RPS6KB2: variants seen among roughly 807,000 people sequenced by gnomAD.
RPS6KB2 encodes ribosomal protein S6 kinase B2.
In RPS6KB2, 51 loss-of-function variants were observed where a neutral mutation model predicts 58.2. That is an observed-to-expected ratio of 0.88 (90% confidence interval 0.70 to 1.11). The LOEUF (loss-of-function observed/expected upper bound fraction) is 1.11. Ranked by LOEUF, RPS6KB2 falls within the 50% of genes least tolerant of loss-of-function variation. The pLI is 0.00. For missense variants in RPS6KB2, 671 were observed against 655.8 expected, an observed-to-expected ratio of 1.02 and a Z score of -0.25; for synonymous variants, 293 against 258.6, an observed-to-expected ratio of 1.13 and a Z score of -1.28.
chr11:67,434,609 C>T lies in RPS6KB2; in HGVS notation c.1183C>T (p.Leu395=). The change falls in exon 14 of 15, where the codon CTG becomes TTG. Residue 395 remains leucine (L), a synonymous_variant. Transcript: ENST00000312629. ...CTTCACATACGTGGCGCCGTCTGTC[C>T]TGGACAGCATCAAGGAGGGCTTCTC... ...LGFTYVAPSV[L]DSIKEGFSFQ... 1 of 1,608,622 alleles carries T rather than the reference C, an allele frequency of 6.2e-7. No individual in the cohort carries two copies. The highest frequency in any genetic ancestry group is 1.1e-5 in the South Asian group (1 of 90,646).
chr11:67,432,202 A>G (rs1244492434), intron 5 of RPS6KB2: 2 of 429,648 alleles, frequency 4.7e-6, no homozygotes, highest in Non-Finnish European at 9.3e-6. Flanking sequence ...ATCCCCTTAA[A>G]GTCCCAGCAA....
chr11:67,428,588 A>C lies in RPS6KB2; in HGVS notation c.43A>C (p.Ser15Arg). 1 of 1,611,202 alleles carries C rather than the reference A, an allele frequency of 6.2e-7. No individual in the cohort carries two copies. The highest frequency in any genetic ancestry group is 1.3e-5 in the African/African-American group (1 of 75,004). The change falls in exon 1 of 15, where the codon AGC (serine) becomes CGC (arginine). Residue 15 changes from serine (S) to arginine (R), a missense_variant. By Grantham distance (110) the Ser-to-Arg change is moderately radical. Transcript: ENST00000312629. ...TTTGGATTTGGAGACGGAGGAAGGCAGCGAGGGCGAGGGCGAGCCAGAGCT... is the reference window on the plus strand; with the variant it reads ...TTTGGATTTGGAGACGGAGGAAGGCCGCGAGGGCGAGGGCGAGCCAGAGCT... Reference protein sequence around the residue: ...FDLDLETEEGSEGEGEPELSP... With the variant: ...FDLDLETEEGREGEGEPELSP...
At chr11:67,429,654 C>T (rs1863961450) in intron 4 of RPS6KB2, 59 bp downstream of exon 4, 1 of 1,382,840 alleles carries the variant, frequency 7.2e-7, no homozygotes, top group African/African-American at 1.4e-5. Context: ...CATGCTGTAC[C>T]AGGCTTTGGG....
Position 67,433,376 on chromosome 11 carries a change from G to T in RPS6KB2, c.835G>T (p.Asp279Tyr). 1 of 1,613,952 alleles carries T rather than the reference G, an allele frequency of 6.2e-7. No individual in the cohort carries two copies. Among genetic ancestry groups the T allele is most frequent in the Non-Finnish European group, 8.5e-7 (1 of 1,179,972 alleles). The change falls in exon 10 of 15, where the codon GAT becomes TAT. Residue 279 changes from aspartate to tyrosine, a missense_variant. By Grantham distance (160) the Asp-to-Tyr change is radical (BLOSUM62 -3). Coordinates refer to ENST00000312629, the MANE Select transcript of RPS6KB2 (RefSeq NM_003952.3). ...FTAENRKKTM[D>Y]KIIRGKLALP... ...CGCAGAGAACCGGAAGAAAACCATG[G>T]ATAAGATCATCAGGGGCAAGCTGGC...
chr11:67,431,500 C>G lies in RPS6KB2; in HGVS notation c.442C>G (p.Leu148Val), dbSNP rs1279953170. 1.9e-6 allele frequency: 3 copies of G among 1,613,926 alleles called. No individual in the cohort carries two copies. Among genetic ancestry groups the G allele is most frequent in the Non-Finnish European group, 2.5e-6 (3 of 1,179,996 alleles). The change falls in exon 5 of 15, where the codon CTT becomes GTT. Residue 148 changes from leucine to valine, a missense_variant. Leu to Val is a conservative substitution (Grantham distance 32). Transcript: ENST00000312629. ...FQTGGKLYLI[L>V]ECLSGGELFT... is the part of the protein sequence containing the mutation. ...GACTGGTGGCAAACTCTACCTCATCCTTGAGTGCCTCAGTGGTATGAGTGC... is the reference window on the plus strand; with the variant it reads ...GACTGGTGGCAAACTCTACCTCATCGTTGAGTGCCTCAGTGGTATGAGTGC...
At position 67,431,134 on chromosome 11, in the gene RPS6KB2, G is replaced by A. The variant is rs1864007287; in HGVS notation, c.310-234G>A. 1.8e-5 allele frequency: 6 copies of A among 334,078 alleles called. No homozygotes were observed. In the South Asian group the frequency reaches 2.1e-4, roughly 12 times the overall value. The allele number at this position is 334,078 out of a possible 1,614,324, so 20.7% of individuals were successfully genotyped here. On this transcript the variant is annotated intron_variant, in intron 4 of 14. Transcript: ENST00000312629. ...CTGCAACCTCTGCCCCTGGGTTCAAGCGATTCTCCTGCCTCAGCCTCCTGA... is the reference window on the plus strand; with the variant it reads ...CTGCAACCTCTGCCCCTGGGTTCAAACGATTCTCCTGCCTCAGCCTCCTGA...
At chr11:67,433,884 C>T in intron 10 of RPS6KB2, 111 bp from the exon 11 acceptor site, 2 of 1,240,258 alleles carry the variant, frequency 1.6e-6, no homozygotes, top group South Asian at 1.3e-5. Context: ...GGAGCCACAC[C>T]CAAAAGCATT....
rs536646745 is a variant in RPS6KB2, at chr11:67,433,184, G to C, written c.766G>C (p.Gly256Arg). 1 of 1,605,710 alleles carries C rather than the reference G, an allele frequency of 6.2e-7. No homozygotes were observed. The highest frequency in any genetic ancestry group is 8.5e-7 in the Non-Finnish European group (1 of 1,178,080). ...CCGGGCTGTGGACTGGTGGAGCCTG[G>C]GGGCCCTGATGTACGACATGCTCAC... The part of the protein sequence containing the change: ...HNRAVDWWSL[G>R]ALMYDMLTGS... Residue 256 changes from glycine to arginine, a missense_variant, in exon 9 of 15, where the codon GGG (glycine) becomes CGG (arginine). Transcript: ENST00000312629.
Position 67,434,393 on chromosome 11 carries a change from T to C in RPS6KB2, c.1064T>C (p.Val355Ala), listed in dbSNP as rs1311860400. The C allele has an allele frequency of 6.2e-7, 1 of 1,613,268 alleles. No individual in the cohort carries two copies. Among genetic ancestry groups the C allele is most frequent in the South Asian group, 1.1e-5 (1 of 91,086 alleles). Residue 355 changes from valine (V) to alanine (A), a missense_variant, in exon 13 of 15, where the codon GTG becomes GCG. Physicochemically the swap from Val to Ala is moderately conservative, Grantham distance 64. Coordinates refer to ENST00000312629, the MANE Select transcript of RPS6KB2 (RefSeq NM_003952.3). Reference sequence around the variant, plus strand: ...GGCCCACAGCAGTCAGAGGAGGACGTGAGCCAGTTTGATACCCGCTTCACA... The same window carrying C: ...GGCCCACAGCAGTCAGAGGAGGACGCGAGCCAGTTTGATACCCGCTTCACA... ...FRPCLQSEED[V>A]SQFDTRFTRQ...
chr11:67,428,688 G>A (rs899725817), intron 1 of RPS6KB2, 65 bp downstream of exon 1: 7 of 1,481,182 alleles, frequency 4.7e-6, no homozygotes, highest in East Asian at 2.4e-5. Flanking sequence ...CGAGGCCGGA[G>A]CGGCGGCTCC....
chr11:67,434,768 G>A, intron 14 of RPS6KB2, 74 bp downstream of exon 14: 1 of 1,257,002 alleles, frequency 8.0e-7, no homozygotes, highest in Non-Finnish European at 1.1e-6. Flanking sequence ...AGCCTTGGGT[G>A]CCTTGGCCAC....
In RPS6KB2 at chr11:67,428,545, C is replaced by A; in HGVS notation, c.-1C>A. 6.2e-7 allele frequency: 1 copy of A among 1,607,628 alleles called. No homozygotes were observed. The highest frequency in any genetic ancestry group is 1.1e-5 in the South Asian group (1 of 90,662). On this transcript the variant is annotated 5_prime_UTR_variant, in exon 1 of 15. Transcript: ENST00000312629. The stretch of plus-strand genomic sequence containing the variant: ...GACGGGCCCGCGGGGCCGGCGCCGC[C>A]ATGGCGGCCGTGTTTGATTTGGATT...
intron 6 of RPS6KB2, 22 bp from the exon 7 acceptor site, chr11:67,432,715 T>C (rs756796182): frequency 9.3e-6 from 15 of 1,613,924 alleles, no homozygotes; most frequent in Admixed American, 3.3e-5. Flanking sequence ...ACTCCCGCCT[T>C]CACCCTGTCT....
At position 67,431,358 on chromosome 11, in the gene RPS6KB2, G is replaced by A. The variant is rs1864014193; in HGVS notation, c.310-10G>A. 6.2e-7 allele frequency: 1 copy of A among 1,612,830 alleles called. No individual in the cohort carries two copies. ...ATGCCTCAGTTTCTAACCAATTCCT[G>A]TATCTCCAGGCCAAAATTGTGCGCA... On this transcript the variant is annotated splice_polypyrimidine_tract_variant and intron_variant, in intron 4 of 14. Transcript: ENST00000312629.
At chr11:67,434,535 A>G in intron 13 of RPS6KB2, 47 bp from the exon 14 acceptor site, 1 of 1,598,100 alleles carries the variant, frequency 6.3e-7, no homozygotes, top group Non-Finnish European at 8.5e-7. Context: ...ATCGTGACTA[A>G]GGATGGCAGG....
Position 67,433,018 on chromosome 11 carries a change from C to T in RPS6KB2, c.683C>T (p.Thr228Ile). The T allele has an allele frequency of 6.2e-7, 1 of 1,613,410 alleles. No individual in the cohort carries two copies. The highest frequency in any genetic ancestry group is 2.2e-5 in the East Asian group (1 of 44,884). Residue 228 changes from threonine (T) to isoleucine (I), a missense_variant, in exon 8 of 15, where the codon ACC (threonine) becomes ATC (isoleucine). Transcript: ENST00000312629. ...ESIHEGAVTH[T>I]FCGTIEYMAP... Reference sequence around the variant, plus strand: ...ATCCATGAGGGCGCCGTCACTCACACCTTCTGCGGCACCATTGAGTACATG... The same window carrying T: ...ATCCATGAGGGCGCCGTCACTCACATCTTCTGCGGCACCATTGAGTACATG...
Position 67,431,488 on chromosome 11 carries a change from C to T in RPS6KB2, c.430C>T (p.Leu144Phe). 2 of 1,614,056 alleles carry T rather than the reference C, an allele frequency of 1.2e-6. No individual in the cohort carries two copies. The highest frequency in any genetic ancestry group is 8.5e-7 in the Non-Finnish European group (1 of 1,179,992). Reference protein sequence around the residue: ...LAYAFQTGGKLYLILECLSGG... With the variant: ...LAYAFQTGGKFYLILECLSGG... ...CTATGCCTTCCAGACTGGTGGCAAA[C>T]TCTACCTCATCCTTGAGTGCCTCAG... is the stretch of plus-strand genomic sequence containing the variant. Residue 144 changes from leucine to phenylalanine, a missense_variant, in exon 5 of 15, where the codon CTC (leucine) becomes TTC (phenylalanine). Transcript: ENST00000312629.
chr11:67,428,535 C>T lies in RPS6KB2; in HGVS notation c.-11C>T, dbSNP rs1446000516. 3.1e-6 allele frequency: 5 copies of T among 1,602,052 alleles called. No homozygotes were observed. Among genetic ancestry groups the T allele is most frequent in the East Asian group, 2.2e-5 (1 of 44,528 alleles). On this transcript the variant is annotated 5_prime_UTR_variant, in exon 1 of 15. Transcript: ENST00000312629. Reference sequence around the variant, plus strand: ...GGTACGGGCCGACGGGCCCGCGGGGCCGGCGCCGCCATGGCGGCCGTGTTT... The same window carrying T: ...GGTACGGGCCGACGGGCCCGCGGGGTCGGCGCCGCCATGGCGGCCGTGTTT...
chr11:67,431,565 G>A (rs772732096), intron 5 of RPS6KB2, 50 bp downstream of exon 5: 17 of 1,588,586 alleles, frequency 1.1e-5, no homozygotes, highest in South Asian at 1.0e-4. Context: ...GGGGGGCAGC[G>A]AGCCAGCAAA....
Sources: gnomAD v4.1 joint callset for allele counts on GRCh38, gnomAD v4.1.1 for gene constraint, MANE v1.5 for transcripts, NCBI Gene and HGNC (gene_info 2026-07-23, HGNC 2026-07-21) for gene names.